The following COL15A1 variants were observed in gnomAD, a reference collection of about 807,000 sequenced individuals.
COL15A1 encodes the protein collagen type XV alpha 1 chain, also known as collagen alpha-1(XV) chain.
Under a neutral mutation model 165.9 loss-of-function variants are expected in COL15A1, and 111 were observed. The ratio of observed to expected loss-of-function variants is 0.67; its 90% CI spans 0.57 to 0.78. The LOEUF is 0.78. COL15A1 is among the 30% of genes least tolerant of loss of function. COL15A1 has a pLI of 0.00. For missense variants in COL15A1, 1,745 were observed against 1,789.7 expected (o/e 0.98, Z 0.45); for synonymous variants, 659 against 674.8 (o/e 0.98, Z 0.36).
In COL15A1 at chr9:99,020,391, T is replaced by G; in HGVS notation, c.1650T>G (p.Ala550=). The G allele has an allele frequency of 5.6e-6, 9 of 1,612,846 alleles. No homozygotes were observed. Among genetic ancestry groups the G allele is most frequent in the Non-Finnish European group, 7.6e-6 (9 of 1,178,864 alleles). The change falls in exon 12 of 42, where the codon GCT becomes GCG. Residue 550 remains alanine (A), a splice_region_variant and synonymous_variant. Transcript: ENST00000375001. ...TVAPERWITP[A]QREHVGMKGQ... ...TTAACCAAATCTTCTTCTTTTAGGC[T>G]CAAAGAGAACATGTGGGAATGAAAG... is the stretch of plus-strand genomic sequence containing the variant.
At chr9:98,980,465 T>G (rs1050646146) in intron 2 of COL15A1, among the ~76,000 whole-genome samples, 1 of 152,144 alleles carries the variant, frequency 6.6e-6, no homozygotes, top group East Asian at 1.9e-4. Context: ...CTGGGGCAGA[T>G]GGCACAGAGG....
intron 3 of COL15A1, among the ~76,000 whole-genome samples, chr9:98,986,922 C>G (rs934483086): frequency 3.9e-4 from 59 of 152,236 alleles, no homozygotes; most frequent in African/African-American, 1.4e-3. Context: ...GGGACGAGGC[C>G]TTCAAACTCA....
At chr9:99,024,268 G>GTTTTTTTGTTTTTTTTTTTTTTT in intron 14 of COL15A1, among the ~76,000 whole-genome samples, 1 of 131,522 alleles carries the variant, frequency 7.6e-6, no homozygotes, top group East Asian at 2.3e-4. Flanking sequence ...ACCACAAGCA[G>GTTTTTTTGTTTTTTTTTTTTTTT]TTTTTTTTGT....
intron 2 of COL15A1, among the ~76,000 whole-genome samples, chr9:98,945,465 G>C (rs978300753): frequency 6.6e-6 from 1 of 152,182 alleles, no homozygotes; most frequent in Non-Finnish European, 1.5e-5. Context: ...GAATTTGGGG[G>C]ATTAGTACAC....
At chr9:99,007,668 A>G (rs969330284) in intron 9 of COL15A1, among the ~76,000 whole-genome samples, 3 of 152,242 alleles carry the variant, frequency 2.0e-5, no homozygotes, top group Non-Finnish European at 4.4e-5. Flanking sequence ...TCTGAAGTCC[A>G]TACATCAGTA....
intron 2 of COL15A1, among the ~76,000 whole-genome samples, chr9:98,972,453 C>G (rs1564019968): frequency 6.6e-6 from 1 of 152,216 alleles, no homozygotes; most frequent in African/African-American, 2.4e-5. Context: ...AATCTTGACT[C>G]CAACTGCTTA....
intron 9 of COL15A1, among the ~76,000 whole-genome samples, chr9:99,011,422 A>AT (rs1588514008): frequency 6.8e-6 from 1 of 147,950 alleles, no homozygotes; most frequent in African/African-American, 2.5e-5. Flanking sequence ...AAAAAAAAAA[A>AT]AAGTCATTTT....
At chr9:98,970,000 C>G (rs1258638797) in intron 2 of COL15A1, among the ~76,000 whole-genome samples, 1 of 150,536 alleles carries the variant, frequency 6.6e-6, no homozygotes, top group African/African-American at 2.5e-5. Context: ...CCTGAACCAG[C>G]TCAATCAACA....
At chr9:99,022,043 G>T in intron 12 of COL15A1, 48 bp from the exon 13 acceptor site, 1 of 1,609,258 alleles carries the variant, frequency 6.2e-7, no homozygotes, top group Non-Finnish European at 8.5e-7. Context: ...GTGGGGAGAT[G>T]GTAGGAACAG....
chr9:99,010,207 C>T (rs1838829091), intron 9 of COL15A1, among the ~76,000 whole-genome samples: 1 of 152,054 alleles, frequency 6.6e-6, no homozygotes, highest in African/African-American at 2.4e-5. Flanking sequence ...CTTCTTAGAC[C>T]CAGGAATCAA....
chr9:99,040,589 C>T (rs1253734140), intron 23 of COL15A1, 33 bp downstream of exon 23: 4 of 1,614,186 alleles, frequency 2.5e-6, no homozygotes, highest in Admixed American at 1.7e-5. Context: ...TCTATCTGTG[C>T]CCCGTGGCTG....
chr9:98,988,536 G>C (rs1387350973), intron 4 of COL15A1, among the ~76,000 whole-genome samples: 6 of 152,172 alleles, frequency 3.9e-5, no homozygotes, highest in Non-Finnish European at 5.9e-5. Context: ...TGGGAGAGTG[G>C]TGGGGACCTG....
At chr9:99,008,782 G>A (rs1257814019) in intron 9 of COL15A1, among the ~76,000 whole-genome samples, 1 of 151,868 alleles carries the variant, frequency 6.6e-6, no homozygotes, top group Non-Finnish European at 1.5e-5. Flanking sequence ...GCTAATTTTT[G>A]TATTTTTAGC....
chr9:99,020,403 T>C lies in COL15A1; in HGVS notation c.1662T>C (p.His554=), dbSNP rs1839006265. The part of the protein sequence containing the change: ...ERWITPAQRE[H]VGMKGQAGPK... ...TCTTCTTTTAGGCTCAAAGAGAACA[T>C]GTGGGAATGAAAGGACAGGCTGGGC... The change falls in exon 12 of 42, where the codon CAT becomes CAC. Residue 554 remains histidine, a synonymous_variant. Coordinates refer to ENST00000375001, the MANE Select transcript of COL15A1 (RefSeq NM_001855.5). 1 of 1,613,430 alleles carries C rather than the reference T, an allele frequency of 6.2e-7. No homozygotes were observed. The highest frequency in any genetic ancestry group is 2.2e-5 in the East Asian group (1 of 44,880).
intron 28 of COL15A1, among the ~76,000 whole-genome samples, chr9:99,048,497 G>T (rs996821020): frequency 1.3e-5 from 2 of 152,130 alleles, no homozygotes; most frequent in African/African-American, 4.8e-5. Context: ...CAGCTGCTGT[G>T]TACCAGACAC....
At chr9:99,061,029 G>A (rs879282811) in intron 36 of COL15A1, among the ~76,000 whole-genome samples, 17 of 152,302 alleles carry the variant, frequency 1.1e-4, no homozygotes, top group South Asian at 4.1e-4. Context: ...CCTGCAGTTC[G>A]TTGGAACAAG....
chr9:99,024,809 A>G, intron 14 of COL15A1, 65 bp from the exon 15 acceptor site: 1 of 1,537,760 alleles, frequency 6.5e-7, no homozygotes, highest in East Asian at 2.3e-5. Flanking sequence ...GATTGCATGA[A>G]GCACATACTC....
At chr9:99,054,486 A>C (rs960453902) in intron 31 of COL15A1, 90 bp from the exon 32 acceptor site, 2 of 1,398,420 alleles carry the variant, frequency 1.4e-6, no homozygotes, top group Non-Finnish European at 1.9e-6. Context: ...TTGCTAAATG[A>C]GCTTAGTTTG....
At chr9:99,068,194 G>A (rs1453263866) in intron 40 of COL15A1, among the ~76,000 whole-genome samples, 2 of 152,158 alleles carry the variant, frequency 1.3e-5, no homozygotes, top group Non-Finnish European at 2.9e-5. Flanking sequence ...GGCCAAGTGT[G>A]GTGGTGCATG....
Sources: gnomAD v4.1 joint callset for allele counts (sites outside exome capture counted in the v4.1 genomes callset) on GRCh38, gnomAD v4.1.1 for gene constraint, MANE v1.5 for transcripts, NCBI Gene and HGNC (gene_info 2026-07-23, HGNC 2026-07-21) for gene names.